SGO1: variants seen among roughly 807,000 people sequenced by gnomAD.
The protein encoded by SGO1 is serologically defined breast cancer antigen NY-BR-85.
A neutral mutation model predicts 50.5 loss-of-function variants in SGO1; 39 were observed. The observed-to-expected ratio is 0.77, with a 90% CI of 0.60 to 1.01. The LOEUF (loss-of-function observed/expected upper bound fraction) is 1.01, where lower values mean the gene tolerates loss of function less well. Ranked by LOEUF, SGO1 falls within the 50% of genes least tolerant of loss-of-function variation. SGO1 has a pLI of 0.00. For synonymous variants in SGO1, 191 were observed against 205.1 expected (o/e 0.93, Z 0.59); for missense variants, 638 against 606.0 (o/e 1.05, Z -0.55).
chr3:20,181,412 A>T (rs1318606743), intron 3 of SGO1, among the ~76,000 whole-genome samples: 1 of 152,218 alleles, frequency 6.6e-6, no homozygotes, highest in Non-Finnish European at 1.5e-5. Flanking sequence ...CTTCTCCACC[A>T]CTGCTAAATT....
intron 3 of SGO1, among the ~76,000 whole-genome samples, chr3:20,182,368 G>A (rs1205190993): frequency 6.8e-6 from 1 of 146,546 alleles, no homozygotes; most frequent in Non-Finnish European, 1.5e-5. Context: ...TAATCACAAT[G>A]TTCTCGCTTT....
In SGO1 at chr3:20,171,251, T is replaced by C. The variant is rs766593143; in HGVS notation, c.1283-19A>G. 1 of 1,526,188 alleles carries C rather than the reference T, an allele frequency of 6.6e-7. No homozygotes were observed. The highest frequency in any genetic ancestry group is 2.4e-5 in the East Asian group (1 of 41,856). 94.5% of individuals were successfully genotyped at this position (1,526,188 alleles called of 1,614,324 possible). A position where few individuals can be genotyped will look rare whatever the true frequency, so the allele number is the denominator to read the frequency against. ...GGTGTAGCTACAAAACAATTTTTAC[T>C]GAATATGATTTAAAAAAAAAAACCC... On this transcript the variant is annotated intron_variant, in intron 6 of 7. Transcript: ENST00000412997.
intron 3 of SGO1, among the ~76,000 whole-genome samples, chr3:20,182,707 G>C (rs1289269437): frequency 6.6e-6 from 1 of 151,988 alleles, no homozygotes; most frequent in Non-Finnish European, 1.5e-5. Flanking sequence ...TACAATCTTA[G>C]ACACAAAGAG....
intron 1 of SGO1, among the ~76,000 whole-genome samples, chr3:20,185,506 C>T (rs1350158968): frequency 2.0e-5 from 3 of 152,140 alleles, no homozygotes; most frequent in Admixed American, 2.0e-4. Flanking sequence ...TGTAAGCGCT[C>T]TGGATTTAAA....
chr3:20,175,696 G>A (rs978764421), intron 5 of SGO1, among the ~76,000 whole-genome samples: 9 of 152,000 alleles, frequency 5.9e-5, no homozygotes, highest in Admixed American at 2.0e-4. Context: ...CTACTCGGGA[G>A]ACTGAGGCAG....
chr3:20,163,379 A>T (rs4858771), intron 8 of SGO1, among the ~76,000 whole-genome samples: 34,204 of 152,118 alleles, frequency 0.22, 3,856 homozygotes, highest in Admixed American at 0.26. Flanking sequence ...TAGTTCTAAC[A>T]GAACTAACAT....
Position 20,170,224 on chromosome 3 carries a change from C to A in SGO1, c.*480G>T. The A allele has an allele frequency of 1.9e-6, 1 of 527,766 alleles. No individual in the cohort carries two copies. The highest frequency in any genetic ancestry group is 8.2e-5 in the South Asian group (1 of 12,216). The allele number at this position is 527,766 out of a possible 1,614,324, so 32.7% of individuals were successfully genotyped here. A position where few individuals can be genotyped will look rare whatever the true frequency, so the allele number is the denominator to read the frequency against. On this transcript the variant is annotated 3_prime_UTR_variant, in exon 8 of 8. Coordinates refer to ENST00000412997, the MANE Select transcript of SGO1 (RefSeq NM_001199251.3). ...GAGCAACCTGACCAACATGGAGAAA[C>A]CCTGTCTCTACTAAAAATACAAAAT...
Position 20,169,515 on chromosome 3 carries a change from A to C in SGO1, c.*1189T>G, listed in dbSNP as rs1700507731. The C allele has an allele frequency of 1.0e-6, 1 of 981,014 alleles. No homozygotes were observed. The highest frequency in any genetic ancestry group is 1.7e-5 in the African/African-American group (1 of 57,154). The allele number at this position is 981,014 out of a possible 1,614,324, so 60.8% of individuals were successfully genotyped here. ...ATACAAACTTTATTGCTCTTTAAAA[A>C]TGAATAACCTACAAAGTTCTAAAAT... On this transcript the variant is annotated 3_prime_UTR_variant, in exon 8 of 8. Coordinates refer to ENST00000412997, the MANE Select transcript of SGO1 (RefSeq NM_001199251.3).
chr3:20,176,736 A>C, intron 4 of SGO1, 77 bp from the exon 5 acceptor site: 1 of 1,004,864 alleles, frequency 1.0e-6, no homozygotes, highest in Non-Finnish European at 1.5e-6. Context: ...CTAAATTATA[A>C]TTTTTCTTTC....
intron 5 of SGO1, among the ~76,000 whole-genome samples, chr3:20,175,411 T>C (rs1701268163): frequency 1.3e-5 from 2 of 152,226 alleles, no homozygotes; most frequent in African/African-American, 2.4e-5. Flanking sequence ...TGAACTGATA[T>C]AATGTAAATA....
intron 4 of SGO1, among the ~76,000 whole-genome samples, chr3:20,178,065 A>G (rs1701601316): frequency 6.6e-6 from 1 of 152,152 alleles, no homozygotes; most frequent in Non-Finnish European, 1.5e-5. Context: ...TCAAAAAAGG[A>G]GTGAAATATA....
upstream of SGO1, chr3:20,186,284 G>T (rs926631802): frequency 2.6e-5 from 4 of 152,258 alleles, no homozygotes; most frequent in East Asian, 1.9e-4. Context: ...CACCACCGTC[G>T]CAGGCAGAGT....
downstream of SGO1, among the ~76,000 whole-genome samples, chr3:20,168,712 G>A (rs926911309): frequency 2.7e-5 from 4 of 149,140 alleles, no homozygotes; most frequent in Admixed American, 6.8e-5. Context: ...GCACCATCTC[G>A]GCTCACTGCA....
downstream of SGO1, among the ~76,000 whole-genome samples, chr3:20,167,455 AAT>A (rs61171636): frequency 0.25 from 38,069 of 152,004 alleles, 4,716 homozygotes; most frequent in Admixed American, 0.27. Context: ...GAAAAAAAGG[AAT>A]AGTGTGTAGA....
At position 20,175,027 on chromosome 3, in the gene SGO1, T is replaced by G. The variant is rs61729306; in HGVS notation, c.504A>C (p.Thr168=). The G allele has an allele frequency of 6.3e-7, 1 of 1,580,306 alleles. No homozygotes were observed. Residue 168 remains threonine (T), a synonymous_variant, in exon 6 of 8, where the codon ACA becomes ACC. Coordinates refer to ENST00000412997, the MANE Select transcript of SGO1 (RefSeq NM_001199251.3). Reference sequence around the variant, plus strand: ...CACCTGAATCAAAATCAACTCCCAGTGTGTCTTGAGGAATAGTAGGTATCT... The same window carrying G: ...CACCTGAATCAAAATCAACTCCCAGGGTGTCTTGAGGAATAGTAGGTATCT... ...EDQIPTIPQD[T]LGVDFDSGEA...
At chr3:20,172,587 A>G (rs1700870321) in intron 6 of SGO1, among the ~76,000 whole-genome samples, 1 of 151,596 alleles carries the variant, frequency 6.6e-6, no homozygotes, top group African/African-American at 2.4e-5. Flanking sequence ...AAAGACGTCT[A>G]GGGATTAAAC....
chr3:20,161,201 T>G (rs774426242), exon 9 of SGO1: 1 of 1,607,196 alleles, frequency 6.2e-7, no homozygotes, highest in Admixed American at 1.7e-5. Context: ...AAATTGCTTC[T>G]TTGGCAGGTG....
At chr3:20,181,468 G>A (rs952701838) in intron 3 of SGO1, among the ~76,000 whole-genome samples, 1 of 152,188 alleles carries the variant, frequency 6.6e-6, no homozygotes, top group Admixed American at 6.6e-5. Context: ...GGTTGAGAAT[G>A]AGTGACACAA....
In SGO1 at chr3:20,183,822, A is replaced by C. The variant is rs1702303072; in HGVS notation, c.143-18T>G. ...AGTGTTGGCTAAAAGAGGATAAAAA[A>C]ATTTATCAGTTATTAAATCTAAACT... On this transcript the variant is annotated intron_variant, in intron 2 of 7. Coordinates refer to ENST00000412997, the MANE Select transcript of SGO1 (RefSeq NM_001199251.3). The C allele has an allele frequency of 6.2e-7, 1 of 1,600,544 alleles. No individual in the cohort carries two copies.
Sources: gnomAD v4.1 joint callset for allele counts (sites outside exome capture counted in the v4.1 genomes callset) on GRCh38, gnomAD v4.1.1 for gene constraint, MANE v1.5 for transcripts, NCBI Gene and HGNC (gene_info 2026-07-23, HGNC 2026-07-21) for gene names.